The following KCNMA1 variants were observed in gnomAD, a reference collection of about 807,000 sequenced individuals.
The protein encoded by KCNMA1 is potassium calcium-activated channel subfamily M alpha 1, also known as Calcium-activated potassium channel subunit alpha-1.
A neutral mutation model predicts 140.0 loss-of-function variants in KCNMA1; 29 were observed. The ratio of observed to expected loss-of-function variants is 0.21; its 90% confidence interval spans 0.15 to 0.28. The LOEUF (loss-of-function observed/expected upper bound fraction) is 0.28. Among genes scored for constraint, KCNMA1 ranks in the 10% least tolerant of loss-of-function variants. The probability of loss-of-function intolerance (pLI) is 1.00; values close to 1 mark genes in which losing one functional copy is unlikely to be tolerated. For missense variants in KCNMA1, 880 were observed against 1,602.2 expected (o/e 0.55, Z 7.70); for synonymous variants, 612 against 611.9 (o/e 1.00, Z 0.00).
At chr10:77,212,744 A>C (rs1374378000) in intron 3 of KCNMA1, among the ~76,000 whole-genome samples, 1 of 151,986 alleles carries the variant, frequency 6.6e-6, no homozygotes, top group Non-Finnish European at 1.5e-5. Flanking sequence ...TGTATGGTTA[A>C]GGAAATGAGA....
chr10:77,184,988 G>T, intron 3 of KCNMA1, 72 bp from the exon 4 acceptor site: 1 of 892,354 alleles, frequency 1.1e-6, no homozygotes, highest in Admixed American at 1.7e-5. Context: ...ACGATGCTGA[G>T]AAGTGGTAGT....
At chr10:77,227,803 C>A (rs573477791) in intron 3 of KCNMA1, among the ~76,000 whole-genome samples, 2 of 152,062 alleles carry the variant, frequency 1.3e-5, no homozygotes, top group Admixed American at 6.5e-5. Flanking sequence ...CACTTCCCAG[C>A]TGTCACTTTA....
At chr10:77,030,358 A>C (rs1028082413) in intron 15 of KCNMA1, among the ~76,000 whole-genome samples, 1 of 152,230 alleles carries the variant, frequency 6.6e-6, no homozygotes, top group Non-Finnish European at 1.5e-5. Context: ...TCTGGAGCTT[A>C]AATTGTTTTT....
intron 22 of KCNMA1, 74 bp from the exon 23 acceptor site, chr10:76,945,039 A>C: frequency 8.3e-7 from 1 of 1,211,772 alleles, no homozygotes; most frequent in East Asian, 2.3e-5. Flanking sequence ...GAGGAGCAAA[A>C]GTGAGAGGAG....
At chr10:77,068,698 T>TTGTGTGTGTGTGTGTG (rs199660003) in intron 14 of KCNMA1, among the ~76,000 whole-genome samples, 2,008 of 132,572 alleles carry the variant, frequency 0.015, 56 homozygotes, top group African/African-American at 0.043. Context: ...GTTCCAGGTT[T>TTGTGTGTGTGTGTGTG]TGTGTGTGTG....
At chr10:77,428,781 A>G (rs549874899) in intron 1 of KCNMA1, among the ~76,000 whole-genome samples, 1 of 152,174 alleles carries the variant, frequency 6.6e-6, no homozygotes, top group East Asian at 1.9e-4. Context: ...ATCCATAAAA[A>G]CCATCTGTGA....
At chr10:77,184,498 G>A (rs549989143) in intron 4 of KCNMA1, among the ~76,000 whole-genome samples, 13 of 152,346 alleles carry the variant, frequency 8.5e-5, no homozygotes, top group South Asian at 4.1e-4. Context: ...GATTACAGGC[G>A]TGAGCCACCA....
intron 2 of KCNMA1, among the ~76,000 whole-genome samples, chr10:77,386,365 T>C (rs551626888): frequency 6.6e-6 from 1 of 152,230 alleles, no homozygotes; most frequent in Non-Finnish European, 1.5e-5. Flanking sequence ...TAGGGCTTTC[T>C]ATTCCAATTC....
At chr10:77,367,872 T>C (rs1303769447) in intron 2 of KCNMA1, among the ~76,000 whole-genome samples, 1 of 152,234 alleles carries the variant, frequency 6.6e-6, no homozygotes, top group Non-Finnish European at 1.5e-5. Flanking sequence ...AGTTGTTGCT[T>C]TTATCAATAG....
intron 5 of KCNMA1, among the ~76,000 whole-genome samples, chr10:77,149,208 C>T (rs571552009): frequency 2.0e-5 from 3 of 152,256 alleles, no homozygotes; most frequent in Non-Finnish European, 2.9e-5. Flanking sequence ...AAGGACTTGA[C>T]GATCTATTTA....
At chr10:77,128,495 T>A (rs186675920) in intron 5 of KCNMA1, among the ~76,000 whole-genome samples, 2 of 151,960 alleles carry the variant, frequency 1.3e-5, no homozygotes, top group Non-Finnish European at 2.9e-5. Flanking sequence ...TGGGAAACTT[T>A]TAGAATTGTT....
At chr10:76,988,632 T>A (rs1037762678) in intron 19 of KCNMA1, among the ~76,000 whole-genome samples, 1 of 152,140 alleles carries the variant, frequency 6.6e-6, no homozygotes, top group East Asian at 1.9e-4. Context: ...TCTTTCCCCA[T>A]CTGTTCTCCT....
At chr10:77,396,935 C>A (rs2096074620) in intron 2 of KCNMA1, among the ~76,000 whole-genome samples, 1 of 152,182 alleles carries the variant, frequency 6.6e-6, no homozygotes, top group Admixed American at 6.5e-5. Context: ...CAAGACCAGT[C>A]TTTGAAGAGA....
At chr10:77,173,669 C>G (rs1243465113) in intron 5 of KCNMA1, among the ~76,000 whole-genome samples, 1 of 152,100 alleles carries the variant, frequency 6.6e-6, no homozygotes, top group Admixed American at 6.6e-5. Context: ...TTTTTCTTTT[C>G]TTTATTTCAC....
chr10:77,031,415 A>G (rs541779129), intron 15 of KCNMA1, among the ~76,000 whole-genome samples: 1 of 152,230 alleles, frequency 6.6e-6, no homozygotes, highest in Non-Finnish European at 1.5e-5. Flanking sequence ...ACCACTCTCT[A>G]TTGTCTCAGA....
At chr10:77,020,894 C>T (rs1051156601) in intron 16 of KCNMA1, 6 of 152,056 alleles carry the variant, frequency 3.9e-5, no homozygotes, top group African/African-American at 1.4e-4. Context: ...TACTAAATAT[C>T]CCTAGAACTC....
chr10:77,154,320 A>G (rs6480852), intron 5 of KCNMA1, among the ~76,000 whole-genome samples: 136,412 of 152,182 alleles, frequency 0.9, 61,288 homozygotes, highest in African/African-American at 0.97. Context: ...ATAGTAGTGT[A>G]AGAATGGACT....
At chr10:77,392,113 C>T (rs550089147) in intron 2 of KCNMA1, among the ~76,000 whole-genome samples, 10 of 131,430 alleles carry the variant, frequency 7.6e-5, no homozygotes, top group South Asian at 2.8e-4. Context: ...GAGGGAAGGA[C>T]GGAGGAATGG....
intron 23 of KCNMA1, among the ~76,000 whole-genome samples, chr10:76,943,700 T>G (rs774361725): frequency 1.8e-4 from 28 of 152,182 alleles, no homozygotes; most frequent in Non-Finnish European, 3.1e-4. Flanking sequence ...TTCCAGGAAC[T>G]ATTGTTCCTG....
Sources: allele counts gnomAD v4.1 joint callset (sites outside exome capture counted in the v4.1 genomes callset), GRCh38; gene constraint gnomAD v4.1.1; transcripts MANE v1.5; gene names NCBI Gene and HGNC (gene_info 2026-07-23, HGNC 2026-07-21).